Variants in HIPK3 observed in about 807,000 individuals in gnomAD.
The protein encoded by HIPK3 is homeodomain interacting protein kinase 3.
HIPK3 carries 47 observed loss-of-function variants against 124.2 expected under a neutral mutation model. That is an observed-to-expected ratio of 0.38 (90% CI 0.30 to 0.48). The LOEUF (loss-of-function observed/expected upper bound fraction) is 0.48, where lower values mean the gene tolerates loss of function less well. Ranked by LOEUF, HIPK3 falls within the 20% of genes least tolerant of loss-of-function variation. The probability of loss-of-function intolerance (pLI) is 0.98; values close to 1 mark genes in which losing one functional copy is unlikely to be tolerated. For missense variants in HIPK3, 1,286 were observed against 1,454.3 expected (o/e 0.88, Z 1.88); for synonymous variants, 482 against 515.2 (o/e 0.94, Z 0.87).
At chr11:33,303,851 T>C (rs1852074280) in intron 2 of HIPK3, among the ~76,000 whole-genome samples, 1 of 152,226 alleles carries the variant, frequency 6.6e-6, no homozygotes, top group Non-Finnish European at 1.5e-5. Context: ...AACAAACATT[T>C]CTTTCGTGAG....
At chr11:33,317,274 A>ATTTTTTTTTTTTTTTTTTTTTTT (rs3028961) in intron 2 of HIPK3, among the ~76,000 whole-genome samples, 1 of 102,220 alleles carries the variant, frequency 9.8e-6, no homozygotes, top group African/African-American at 4.0e-5. Flanking sequence ...GCCTGGCCCT[A>ATTTTTTTTTTTTTTTTTTTTTTT]TTTTTTTTTT....
Position 33,312,925 on chromosome 11 carries a change from T to A in HIPK3, c.1098-15585T>A, listed in dbSNP as rs138192114. Among the ~76,000 whole-genome samples the A allele has an allele frequency of 4.4e-4, 67 of 152,330 alleles. No homozygotes were observed. In the East Asian group the frequency reaches 0.013, roughly 29 times the overall value. On this transcript the variant is annotated intron_variant, in intron 2 of 16. Coordinates refer to ENST00000303296, the MANE Select transcript of HIPK3 (RefSeq NM_005734.5). ...TTACAATTCACATAAGGCATTGAGT[T>A]TGTAAGTAATTGCCAGAGTTGGGAT...
chr11:33,327,665 G>A (rs184084027), intron 2 of HIPK3, among the ~76,000 whole-genome samples: 225 of 152,164 alleles, frequency 1.5e-3, no homozygotes, highest in Non-Finnish European at 2.4e-3. Flanking sequence ...AGTTATTCTC[G>A]GGTGATTTAA....
chr11:33,269,333 T>C (rs1010705938), intron 1 of HIPK3, among the ~76,000 whole-genome samples: 1 of 152,314 alleles, frequency 6.6e-6, no homozygotes, highest in East Asian at 1.9e-4. Flanking sequence ...GTACACACTT[T>C]GGGATTTCAC....
intron 14 of HIPK3, among the ~76,000 whole-genome samples, chr11:33,349,857 C>T (rs113558296): frequency 1.3e-5 from 2 of 152,070 alleles, no homozygotes; most frequent in African/African-American, 4.8e-5. Context: ...GCCTCCGCCT[C>T]CCCAGGTTCA....
chr11:33,273,513 A>AC (rs1851193900), intron 1 of HIPK3, among the ~76,000 whole-genome samples: 1 of 33,750 alleles, frequency 3.0e-5, no homozygotes, highest in Non-Finnish European at 8.1e-5. Context: ...CTGTCTCCAC[A>AC]AAAAAAAAAA....
chr11:33,338,506 A>G (rs1207026770), intron 4 of HIPK3, among the ~76,000 whole-genome samples: 2 of 152,244 alleles, frequency 1.3e-5, no homozygotes, highest in African/African-American at 4.8e-5. Flanking sequence ...TGCTGGGATT[A>G]CAAGCGTGAG....
intron 1 of HIPK3, among the ~76,000 whole-genome samples, chr11:33,261,731 A>G (rs1003120743): frequency 6.6e-6 from 1 of 152,176 alleles, no homozygotes; most frequent in Admixed American, 6.5e-5. Flanking sequence ...TTGGATATAT[A>G]CCCAGTAATG....
intron 8 of HIPK3, among the ~76,000 whole-genome samples, chr11:33,342,542 CTT>C (rs371154303): frequency 0.64 from 86,268 of 135,636 alleles, 27,044 homozygotes; most frequent in Non-Finnish European, 0.69. Flanking sequence ...GCTATACATT[CTT>C]TTTTTTTTTT....
intron 1 of HIPK3, among the ~76,000 whole-genome samples, chr11:33,265,017 T>C (rs965256107): frequency 1.3e-5 from 2 of 152,160 alleles, no homozygotes; most frequent in African/African-American, 4.8e-5. Flanking sequence ...TGAGATAGAT[T>C]AGAGTGATAA....
At chr11:33,341,490 G>A in intron 7 of HIPK3, 73 bp from the exon 8 acceptor site, 1 of 1,327,602 alleles carries the variant, frequency 7.5e-7, no homozygotes, top group South Asian at 1.8e-5. Context: ...TAAGAAATGT[G>A]TTTGAATTCT....
intron 8 of HIPK3, among the ~76,000 whole-genome samples, chr11:33,342,081 C>G (rs906406978): frequency 2.4e-5 from 3 of 123,332 alleles, no homozygotes; most frequent in African/African-American, 3.1e-5. Flanking sequence ...CTAGCCTGGG[C>G]GACAGAGTGA....
intron 1 of HIPK3, among the ~76,000 whole-genome samples, chr11:33,279,276 C>T (rs978126703): frequency 7.3e-6 from 1 of 137,754 alleles, no homozygotes; most frequent in Non-Finnish European, 1.5e-5. Context: ...GATCACGCTA[C>T]TGCACTCCAG....
chr11:33,277,894 A>ATT (rs1383843021), intron 1 of HIPK3, among the ~76,000 whole-genome samples: 4 of 152,164 alleles, frequency 2.6e-5, no homozygotes, highest in Non-Finnish European at 5.9e-5. Context: ...CTGTCTGTGA[A>ATT]TTGTCTGTTT....
intron 2 of HIPK3, among the ~76,000 whole-genome samples, chr11:33,313,937 AG>A (rs1241920725): frequency 6.6e-6 from 1 of 151,980 alleles, no homozygotes; most frequent in Non-Finnish European, 1.5e-5. Context: ...TGACTTTGTG[AG>A]CTCATGCAAT....
At chr11:33,348,093 C>G in intron 11 of HIPK3, 73 bp from the exon 12 acceptor site, 3 of 1,601,336 alleles carry the variant, frequency 1.9e-6, no homozygotes, top group Admixed American at 1.7e-5. Flanking sequence ...AAGGGTCACT[C>G]TGTTGTATTC....
intron 1 of HIPK3, among the ~76,000 whole-genome samples, chr11:33,277,796 C>T (rs1020893759): frequency 6.6e-6 from 1 of 152,192 alleles, no homozygotes; most frequent in Non-Finnish European, 1.5e-5. Flanking sequence ...TCCTGTTGCC[C>T]TATTCTTCAA....
At chr11:33,315,288 G>A (rs139500544) in intron 2 of HIPK3, among the ~76,000 whole-genome samples, 40 of 152,264 alleles carry the variant, frequency 2.6e-4, no homozygotes, top group Admixed American at 1.3e-3. Flanking sequence ...GTGCAGTGGC[G>A]TGATCTTGAC....
In HIPK3 at chr11:33,353,486, C is replaced by T. The variant is rs1218909607; in HGVS notation, c.3566C>T (p.Pro1189Leu). 2 of 1,613,976 alleles carry T rather than the reference C, an allele frequency of 1.2e-6. No homozygotes were observed. Among genetic ancestry groups the T allele is most frequent in the Non-Finnish European group, 1.7e-6 (2 of 1,179,946 alleles). ...HQTQYKPIFP[P>L]HSYIAASPAY... ...ACTCAGTACAAACCAATCTTCCCAC[C>T]ACATTCTTACATTGCAGCATCACCT... Residue 1189 changes from proline to leucine, a missense_variant, in exon 17 of 17, where the codon CCA becomes CTA. This residue lies in a region of HIPK3 where 810 missense variants were observed against 864.9 expected (regional missense o/e 0.94). Transcript: ENST00000303296.
Sources: gnomAD v4.1 joint callset for allele counts (sites outside exome capture counted in the v4.1 genomes callset) on GRCh38, gnomAD v4.1.1 for gene constraint, gnomAD v4.1.1 regional missense constraint, MANE v1.5 for transcripts, NCBI Gene and HGNC (gene_info 2026-07-23, HGNC 2026-07-21) for gene names.